TECRL: variants seen among roughly 807,000 people sequenced by gnomAD.
TECRL encodes trans-2,3-enoyl-CoA reductase-like.
Under a neutral mutation model 52.8 loss-of-function variants are expected in TECRL, and 63 were observed. That is an observed-to-expected ratio of 1.19 (90% CI 0.97 to 1.47). TECRL has a LOEUF of 1.47. Among genes scored for constraint, TECRL ranks in the 40% most tolerant of loss-of-function variants. The probability of loss-of-function intolerance (pLI) is 0.00; values close to 1 mark genes in which losing one functional copy is unlikely to be tolerated. For synonymous variants in TECRL, 164 were observed against 141.9 expected (o/e 1.16, Z -1.10); for missense variants, 482 against 429.6 (o/e 1.12, Z -1.08).
rs533114952 is a variant in TECRL, at chr4:64,306,043, C to A, written c.658-805G>T. 7.9e-5 allele frequency among the ~76,000 whole-genome samples: 12 copies of A among 152,226 alleles called. No individual in the cohort carries two copies. In the South Asian group the frequency reaches 2.3e-3, roughly 29 times the overall value. Reference sequence around the variant, plus strand: ...ACTAAACTAAGGAATAAGGAGACTGCAACATTTTGGGGGATTGCTCAGGAT... The same window carrying A: ...ACTAAACTAAGGAATAAGGAGACTGAAACATTTTGGGGGATTGCTCAGGAT... On this transcript the variant is annotated intron_variant, in intron 6 of 11. Coordinates refer to ENST00000381210, the MANE Select transcript of TECRL (RefSeq NM_001010874.5).
At position 64,322,642 on chromosome 4, in the gene TECRL, A is replaced by G. The variant is rs968465422; in HGVS notation, c.435+47T>C. ...GAATTAATCTGTCAATAAATTATTTAGAGCAAAATATGAGAAATGTATATT... is the reference window on the plus strand; with the variant it reads ...GAATTAATCTGTCAATAAATTATTTGGAGCAAAATATGAGAAATGTATATT... On this transcript the variant is annotated intron_variant, in intron 4 of 11. Coordinates refer to ENST00000381210, the MANE Select transcript of TECRL (RefSeq NM_001010874.5). 3.0e-6 allele frequency: 4 copies of G among 1,327,652 alleles called. No homozygotes were observed. In the African/African-American group the frequency reaches 4.5e-5, roughly 15 times the overall value. The allele number at this position is 1,327,652 out of a possible 1,614,324, so 82.2% of individuals were successfully genotyped here. A position where few individuals can be genotyped will look rare whatever the true frequency, so the allele number is the denominator to read the frequency against.
At chr4:64,284,812 T>C (rs1039194416) in intron 9 of TECRL, among the ~76,000 whole-genome samples, 1 of 152,090 alleles carries the variant, frequency 6.6e-6, no homozygotes, top group African/African-American at 2.4e-5. Flanking sequence ...GTTAAGAGAC[T>C]TGAGACAGCT....
At chr4:64,331,494 T>G (rs1004897734) in intron 2 of TECRL, among the ~76,000 whole-genome samples, 1 of 152,046 alleles carries the variant, frequency 6.6e-6, no homozygotes, top group Non-Finnish European at 1.5e-5. Context: ...ATATAAAAAC[T>G]AATCCACCAT....
At chr4:64,283,102 T>C (rs1722911687) in intron 9 of TECRL, among the ~76,000 whole-genome samples, 1 of 152,060 alleles carries the variant, frequency 6.6e-6, no homozygotes, top group Admixed American at 6.6e-5. Flanking sequence ...TACTACGGTA[T>C]TTGATCAATA....
chr4:64,391,510 T>C lies in TECRL; in HGVS notation c.235-16287A>G, dbSNP rs1723546712. 2.0e-5 allele frequency among the ~76,000 whole-genome samples: 3 copies of C among 151,846 alleles called. No homozygotes were observed. The South Asian group carries it at 6.2e-4, about 31-fold the overall frequency. On this transcript the variant is annotated intron_variant, in intron 1 of 11. Coordinates refer to ENST00000381210, the MANE Select transcript of TECRL (RefSeq NM_001010874.5). ...TCTACCCCATTAATAACATCAACAC[T>C]CAAACAGTTTTTAAGCCAGAATCTT...
intron 2 of TECRL, among the ~76,000 whole-genome samples, chr4:64,345,968 T>C (rs1221852653): frequency 7.7e-6 from 1 of 129,206 alleles, no homozygotes; most frequent in East Asian, 2.3e-4. Context: ...AGTGGATTTT[T>C]ATTTACTGCC....
intron 2 of TECRL, among the ~76,000 whole-genome samples, chr4:64,360,249 C>A (rs958329645): frequency 5.7e-5 from 2 of 35,280 alleles, no homozygotes. Flanking sequence ...GTGGGAGATA[C>A]CCACTTAATT....
intron 1 of TECRL, among the ~76,000 whole-genome samples, chr4:64,399,888 C>G (rs1724229100): frequency 6.6e-6 from 1 of 152,140 alleles, no homozygotes; most frequent in African/African-American, 2.4e-5. Context: ...TGGAGAACCA[C>G]TACTAGGGCC....
At chr4:64,327,746 A>G (rs569695697) in intron 3 of TECRL, among the ~76,000 whole-genome samples, 2 of 152,146 alleles carry the variant, frequency 1.3e-5, no homozygotes, top group South Asian at 2.1e-4. Context: ...AGAAATAATC[A>G]TTTGTCTTTA....
chr4:64,341,311 G>T (rs1719552918), intron 2 of TECRL, among the ~76,000 whole-genome samples: 1 of 152,080 alleles, frequency 6.6e-6, no homozygotes, highest in African/African-American at 2.4e-5. Context: ...AACAAAAATG[G>T]AGCTAAAGGC....
chr4:64,371,109 G>A (rs1721944034), intron 2 of TECRL, among the ~76,000 whole-genome samples: 1 of 151,528 alleles, frequency 6.6e-6, no homozygotes, highest in Admixed American at 6.6e-5. Flanking sequence ...CTGATGGATG[G>A]CTGTAGAAAC....
intron 8 of TECRL, among the ~76,000 whole-genome samples, chr4:64,291,651 A>G (rs1300494673): frequency 6.6e-6 from 1 of 152,006 alleles, no homozygotes; most frequent in Non-Finnish European, 1.5e-5. Context: ...TATCACAACA[A>G]AACTAAATAT....
At chr4:64,370,955 C>T (rs879763077) in intron 2 of TECRL, among the ~76,000 whole-genome samples, 3 of 151,814 alleles carry the variant, frequency 2.0e-5, no homozygotes, top group South Asian at 2.1e-4. Context: ...TAATAAAGGG[C>T]ATGATTTGCT....
At chr4:64,313,256 T>A (rs1717190818) in intron 5 of TECRL, among the ~76,000 whole-genome samples, 1 of 152,068 alleles carries the variant, frequency 6.6e-6, no homozygotes, top group South Asian at 2.1e-4. Flanking sequence ...AATTTGCTTC[T>A]TAATTCACTT....
chr4:64,323,608 A>G (rs754953944), intron 3 of TECRL, among the ~76,000 whole-genome samples: 8 of 152,150 alleles, frequency 5.3e-5, no homozygotes, highest in Non-Finnish European at 1.2e-4. Context: ...CAAGGTGATT[A>G]TTTAGGAGAC....
intron 2 of TECRL, among the ~76,000 whole-genome samples, chr4:64,331,350 T>G (rs1462662149): frequency 6.6e-6 from 1 of 152,126 alleles, no homozygotes; most frequent in Non-Finnish European, 1.5e-5. Flanking sequence ...CCACTAATGG[T>G]GATCTCAAGC....
chr4:64,358,016 G>C (rs10029512), intron 2 of TECRL, among the ~76,000 whole-genome samples: 136,116 of 151,520 alleles, frequency 0.9, 61,797 homozygotes, highest in East Asian at 1. Context: ...ATCCAAAATA[G>C]AGTCTAATAC....
intron 2 of TECRL, among the ~76,000 whole-genome samples, chr4:64,363,984 T>A (rs1196371411): frequency 1.3e-5 from 2 of 152,074 alleles, no homozygotes; most frequent in Non-Finnish European, 2.9e-5. Flanking sequence ...ACACCACACG[T>A]AATCTAAGAT....
At chr4:64,386,890 A>C (rs1723209111) in intron 1 of TECRL, among the ~76,000 whole-genome samples, 1 of 152,174 alleles carries the variant, frequency 6.6e-6, no homozygotes. Context: ...ATCTCTCACC[A>C]GTATGGTACA....
Sources: allele counts gnomAD v4.1 joint callset (sites outside exome capture counted in the v4.1 genomes callset), GRCh38; gene constraint gnomAD v4.1.1; transcripts MANE v1.5; gene names NCBI Gene and HGNC (gene_info 2026-07-23, HGNC 2026-07-21).